PIERCE1: variants seen among roughly 807,000 people sequenced by gnomAD.
PIERCE1 encodes piercer of microtubule wall 1.
At chr9:135,497,063 C>T in the PIERCE1 span, among the ~76,000 whole-genome samples, 1 of 152,248 alleles carries the variant, frequency 6.6e-6, no homozygotes, top group African/African-American at 2.4e-5. Context: ...TCCCAAAGTG[C>T]TGGGATTACA....
the PIERCE1 span, chr9:135,499,100 C>T: frequency 3.7e-6 from 1 of 272,162 alleles, no homozygotes; most frequent in South Asian, 3.7e-5. Context: ...ACTGCCCCTA[C>T]CTGTCAGTAG....
At chr9:135,498,150 C>G in the PIERCE1 span, among the ~76,000 whole-genome samples, 1 of 152,086 alleles carries the variant, frequency 6.6e-6, no homozygotes, top group Admixed American at 6.5e-5. The surrounding 1 kb of genome is among the most constrained non-coding windows in gnomAD (Gnocchi z 4.1). Context: ...CAAGCTGTGC[C>G]GTCAGCCAGT....
chr9:135,499,512 C>CT, the PIERCE1 span: 1 of 789,322 alleles, frequency 1.3e-6, no homozygotes, highest in Admixed American at 2.0e-5. Flanking sequence ...CCCCACTGCC[C>CT]TTATCCCCAC....
the PIERCE1 span, chr9:135,499,550 G>A: frequency 1.2e-5 from 12 of 1,000,158 alleles, no homozygotes; most frequent in African/African-American, 3.2e-5. Context: ...TAGGGAGCAC[G>A]GTCGCCGCTC....
At chr9:135,498,435 C>G in the PIERCE1 span, 3 of 637,990 alleles carry the variant, frequency 4.7e-6, no homozygotes, top group African/African-American at 5.5e-5. The surrounding 1 kb of genome is among the most constrained non-coding windows in gnomAD (Gnocchi z 4.1). Flanking sequence ...AACCTCCCTC[C>G]TCCCCATTTG....
chr9:135,499,234 T>C, the PIERCE1 span, among the ~76,000 whole-genome samples: 1 of 152,258 alleles, frequency 6.6e-6, no homozygotes, highest in African/African-American at 2.4e-5. Context: ...TAACAGACCC[T>C]GCCCTAGAGG....
chr9:135,495,378 T>C, the PIERCE1 span: 1 of 1,524,316 alleles, frequency 6.6e-7, no homozygotes, highest in Non-Finnish European at 8.9e-7. Context: ...ATGATGATTT[T>C]CCAGGAGGCC....
chr9:135,495,445 C>A, the PIERCE1 span: 1 of 1,613,684 alleles, frequency 6.2e-7, no homozygotes, highest in Non-Finnish European at 8.5e-7. Context: ...AGATGGATGG[C>A]CTGTTGATGT....
the PIERCE1 span, among the ~76,000 whole-genome samples, chr9:135,496,482 C>T: frequency 1.3e-5 from 2 of 152,188 alleles, no homozygotes; most frequent in Non-Finnish European, 1.5e-5. Context: ...GGATCCTGTG[C>T]CACGCACATC....
At chr9:135,498,671 A>T in the PIERCE1 span, 1 of 1,612,484 alleles carries the variant, frequency 6.2e-7, no homozygotes, top group Non-Finnish European at 8.5e-7. This position sits in a 1 kb window ranked among gnomAD's most constrained non-coding sequence, Gnocchi z 4.1. Context: ...GTCCTGGTAG[A>T]TGAGAAACAC....
chr9:135,499,799 GTGGCCT>G, the PIERCE1 span: 2 of 1,603,470 alleles, frequency 1.2e-6, no homozygotes, highest in Non-Finnish European at 1.7e-6. Flanking sequence ...CGGCGGGGCC[GTGGCCT>G]TGGGCGCCAC....
At chr9:135,499,662 C>A in the PIERCE1 span, 2 of 1,597,638 alleles carry the variant, frequency 1.3e-6, no homozygotes, top group African/African-American at 1.3e-5. Context: ...ACACACGGGG[C>A]TATCGAGCAG....
chr9:135,495,592 A>T, the PIERCE1 span: 6 of 1,613,884 alleles, frequency 3.7e-6, no homozygotes, highest in Middle Eastern at 6.6e-4. Flanking sequence ...GGGAAAATTT[A>T]TTCGAATTTG....
chr9:135,496,082 A>G, the PIERCE1 span, among the ~76,000 whole-genome samples: 14 of 152,234 alleles, frequency 9.2e-5, no homozygotes, highest in Admixed American at 9.2e-4. Context: ...TGGGAGGCTG[A>G]GGCAGGTGGA....
the PIERCE1 span, chr9:135,498,740 G>A: frequency 3.1e-5 from 42 of 1,360,266 alleles, no homozygotes; most frequent in Admixed American, 5.1e-5. This position sits in a 1 kb window ranked among gnomAD's most constrained non-coding sequence, Gnocchi z 4.1. Flanking sequence ...TTTGGTTGAC[G>A]GCACTCCCCT....
the PIERCE1 span, among the ~76,000 whole-genome samples, chr9:135,497,294 G>C: frequency 1.3e-5 from 2 of 152,120 alleles, no homozygotes; most frequent in Non-Finnish European, 2.9e-5. Context: ...GCTCCCATCA[G>C]TGACCTGAAG....
chr9:135,496,348 C>T, the PIERCE1 span, among the ~76,000 whole-genome samples: 1 of 152,154 alleles, frequency 6.6e-6, no homozygotes, highest in South Asian at 2.1e-4. Flanking sequence ...CTCGTGTGGG[C>T]GGGCACCCAG....
chr9:135,499,444 C>T, the PIERCE1 span: 10 of 689,256 alleles, frequency 1.5e-5, no homozygotes, highest in East Asian at 2.3e-4. Flanking sequence ...GAGACTCACC[C>T]GACACAAATC....
At chr9:135,496,102 G>T in the PIERCE1 span, among the ~76,000 whole-genome samples, 2 of 152,182 alleles carry the variant, frequency 1.3e-5, no homozygotes, top group African/African-American at 4.8e-5. Context: ...ATCGCCTCAG[G>T]TCAGGAGTTC....
Sources: gnomAD v4.1 joint callset for allele counts (sites outside exome capture counted in the v4.1 genomes callset) on GRCh38, gnomAD v4.1.1 for gene constraint, Gnocchi (gnomAD v3.1) non-coding constraint, MANE v1.5 for transcripts, NCBI Gene and HGNC (gene_info 2026-07-23, HGNC 2026-07-21) for gene names.